The following PDZRN4 variants were observed in gnomAD, a reference collection of about 807,000 sequenced individuals.
PDZRN4 encodes PDZ domain-containing RING finger protein 4.
In PDZRN4, 70 loss-of-function variants were observed where a neutral mutation model predicts 99.0. That is an observed-to-expected ratio of 0.71 (90% CI 0.58 to 0.86). The LOEUF (loss-of-function observed/expected upper bound fraction) is 0.86. PDZRN4 is among the 40% of genes least tolerant of loss of function. The pLI, the probability that PDZRN4 is intolerant of heterozygous loss-of-function variation, is 0.00. For synonymous variants in PDZRN4, 551 were observed against 501.6 expected, an observed-to-expected ratio of 1.10 and a Z score of -1.32; for missense variants, 1,474 against 1,331.2, an observed-to-expected ratio of 1.11 and a Z score of -1.67.
At chr12:41,357,483 T>C (rs1951936035) in intron 3 of PDZRN4, among the ~76,000 whole-genome samples, 2 of 152,016 alleles carry the variant, frequency 1.3e-5, no homozygotes, top group Non-Finnish European at 1.5e-5. Context: ...TAGTACCTTC[T>C]AGGTCTCAGA....
intron 3 of PDZRN4, among the ~76,000 whole-genome samples, chr12:41,248,317 C>CA (rs1951146772): frequency 6.6e-6 from 1 of 152,216 alleles, no homozygotes; most frequent in African/African-American, 2.4e-5. Context: ...TAATGGAATC[C>CA]AAAATTTTTT....
intron 3 of PDZRN4, among the ~76,000 whole-genome samples, chr12:41,370,606 T>C (rs1475662862): frequency 1.3e-5 from 2 of 151,984 alleles, no homozygotes; most frequent in Non-Finnish European, 2.9e-5. Flanking sequence ...GAATCTTATG[T>C]TTATATAAAT....
At chr12:41,360,902 C>A (rs2121057887) in intron 3 of PDZRN4, among the ~76,000 whole-genome samples, 1 of 151,726 alleles carries the variant, frequency 6.6e-6, no homozygotes, top group Non-Finnish European at 1.5e-5. Flanking sequence ...CAAAAAATAT[C>A]CCAAAAAACC....
intron 3 of PDZRN4, among the ~76,000 whole-genome samples, chr12:41,242,691 G>A: frequency 6.6e-6 from 1 of 151,976 alleles, no homozygotes; most frequent in East Asian, 1.9e-4. Context: ...TTGCCATATT[G>A]CCCAGGCTGG....
In PDZRN4 at chr12:41,572,768, G is replaced by A. The variant is rs1939505186; in HGVS notation, c.1989G>A (p.Glu663=). The A allele has an allele frequency of 1.2e-6, 2 of 1,614,030 alleles. No individual in the cohort carries two copies. The highest frequency in any genetic ancestry group is 8.5e-7 in the Non-Finnish European group (1 of 1,180,024). The change falls in exon 10 of 10, where the codon GAG becomes GAA. Residue 663 remains glutamate, a synonymous_variant. Coordinates refer to ENST00000402685, the MANE Select transcript of PDZRN4 (RefSeq NM_001164595.2). ...ATCAAGGGGAGCAAGAGGGAGTGGA[G>A]CATGAGCTACAGTTGCTTAATGAAG... ...ECNQGEQEGV[E]HELQLLNEEL...
chr12:41,470,623 G>C (rs980102801), intron 3 of PDZRN4, among the ~76,000 whole-genome samples: 1 of 152,120 alleles, frequency 6.6e-6, no homozygotes, highest in South Asian at 2.1e-4. Context: ...TTAGCATTAG[G>C]TTTATCTCCT....
chr12:41,278,069 C>G (rs1951361007), intron 3 of PDZRN4, among the ~76,000 whole-genome samples: 1 of 152,198 alleles, frequency 6.6e-6, no homozygotes. Context: ...ACTTTTGGCA[C>G]TCAATATGTT....
At chr12:41,450,202 C>A (rs1200841639) in intron 3 of PDZRN4, among the ~76,000 whole-genome samples, 1 of 152,054 alleles carries the variant, frequency 6.6e-6, no homozygotes, top group Non-Finnish European at 1.5e-5. Context: ...AACCATATTT[C>A]TTTTACTTGT....
At chr12:41,490,421 G>C (rs1481743332) in intron 3 of PDZRN4, among the ~76,000 whole-genome samples, 1 of 152,060 alleles carries the variant, frequency 6.6e-6, no homozygotes, top group Non-Finnish European at 1.5e-5. Context: ...TTCTCAGCGT[G>C]TCTAAATGGG....
chr12:41,214,430 T>TAAAAAAAAAAAAAAAAAAAAA lies in PDZRN4; in HGVS notation c.843+20262_843+20263insAAAAAAAAAAAAAAAAAAAAA, dbSNP rs536246838. Among the ~76,000 whole-genome samples the TAAAAAAAAAAAAAAAAAAAAA allele has an allele frequency of 8.5e-4, 29 of 34,066 alleles. 3 individuals are homozygous for TAAAAAAAAAAAAAAAAAAAAA. The highest frequency in any genetic ancestry group is 1.7e-3 in the South Asian group (1 of 600). The allele number at this position is 34,066 out of a possible 152,430, so 22.3% of individuals were successfully genotyped here. On this transcript the variant is annotated intron_variant, in intron 3 of 9. Transcript: ENST00000402685. ...GGCAATAGAAGGAGACCCTGTCCCC[T>TAAAAAAAAAAAAAAAAAAAAA]AAAAAAAAAAAAAAAAAAAAGTTAT...
chr12:41,384,554 C>G (rs188664649), intron 3 of PDZRN4, among the ~76,000 whole-genome samples: 58 of 152,198 alleles, frequency 3.8e-4, no homozygotes, highest in Non-Finnish European at 5.9e-5. Flanking sequence ...TGGAGAGACC[C>G]AGATGTCCTC....
chr12:41,410,053 G>A (rs1265648268), intron 3 of PDZRN4: 1 of 152,146 alleles, frequency 6.6e-6, no homozygotes, highest in East Asian at 1.9e-4. Context: ...TGAGGCACTG[G>A]AGGTTAGGAC....
At chr12:41,434,091 T>C (rs1437066426) in intron 3 of PDZRN4, among the ~76,000 whole-genome samples, 1 of 152,224 alleles carries the variant, frequency 6.6e-6, no homozygotes, top group Non-Finnish European at 1.5e-5. Flanking sequence ...ATGATATGTA[T>C]ATGTGAAAAT....
intron 3 of PDZRN4, among the ~76,000 whole-genome samples, chr12:41,453,434 T>C (rs1188943896): frequency 6.6e-6 from 1 of 152,134 alleles, no homozygotes; most frequent in Non-Finnish European, 1.5e-5. Flanking sequence ...GAATTAAGAG[T>C]GTGTCATTGG....
intron 5 of PDZRN4, among the ~76,000 whole-genome samples, chr12:41,543,407 A>ATAAAT (rs2120774183): frequency 6.6e-6 from 1 of 152,206 alleles, no homozygotes; most frequent in South Asian, 2.1e-4. Context: ...GTGACCTTAA[A>ATAAAT]TAAATTACTT....
intron 5 of PDZRN4, among the ~76,000 whole-genome samples, chr12:41,517,432 A>G (rs1370276051): frequency 6.6e-6 from 1 of 152,116 alleles, no homozygotes; most frequent in Admixed American, 6.6e-5. Flanking sequence ...ATCAAATCAT[A>G]TTTTCCAGTG....
intron 3 of PDZRN4, among the ~76,000 whole-genome samples, chr12:41,232,053 A>T (rs1021831372): frequency 6.3e-4 from 95 of 151,412 alleles, no homozygotes; most frequent in Non-Finnish European, 1.0e-3. Context: ...ATATAAAAAA[A>T]TTTTTTTTGA....
chr12:41,210,846 A>G (rs537204253), intron 3 of PDZRN4, among the ~76,000 whole-genome samples: 55 of 142,946 alleles, frequency 3.8e-4, no homozygotes, highest in African/African-American at 1.2e-3. Flanking sequence ...CATATCTAAG[A>G]TTTCAAATTA....
intron 3 of PDZRN4, among the ~76,000 whole-genome samples, chr12:41,233,174 AAC>A (rs1951040358): frequency 6.6e-6 from 1 of 152,134 alleles, no homozygotes. Context: ...GCAGCCAAAA[AAC>A]ACATGAAAAA....
Sources: gnomAD v4.1 joint callset for allele counts (sites outside exome capture counted in the v4.1 genomes callset) on GRCh38, gnomAD v4.1.1 for gene constraint, MANE v1.5 for transcripts, NCBI Gene and HGNC (gene_info 2026-07-23, HGNC 2026-07-21) for gene names.